Variants in RSPRY1 observed in about 807,000 individuals in gnomAD.
RSPRY1 encodes the protein RING finger and SPRY domain-containing protein 1.
Under a neutral mutation model 73.1 loss-of-function variants are expected in RSPRY1, and 23 were observed. The ratio of observed to expected loss-of-function variants is 0.31; its 90% CI spans 0.23 to 0.45. RSPRY1 has a LOEUF of 0.45. Among genes scored for constraint, RSPRY1 ranks in the 20% least tolerant of loss-of-function variants. The pLI, the probability that RSPRY1 is intolerant of heterozygous loss-of-function variation, is 1.00. For synonymous variants in RSPRY1, 226 were observed against 251.4 expected, an observed-to-expected ratio of 0.90 and a Z score of 0.95; for missense variants, 448 against 698.7, an observed-to-expected ratio of 0.64 and a Z score of 4.05.
intron 1 of RSPRY1, among the ~76,000 whole-genome samples, chr16:57,200,084 G>A (rs1178192865): frequency 6.8e-6 from 1 of 147,292 alleles, no homozygotes; most frequent in Admixed American, 6.8e-5. Flanking sequence ...CTGGGTACTT[G>A]AGATTAGGGA....
At chr16:57,201,133 C>T (rs1401516040) in intron 1 of RSPRY1, among the ~76,000 whole-genome samples, 38 of 151,422 alleles carry the variant, frequency 2.5e-4, no homozygotes, top group Non-Finnish European at 3.5e-4. Context: ...GAGTGGCTGC[C>T]GGGCGGAGGG....
At chr16:57,203,010 A>G (rs530281824) in intron 1 of RSPRY1, among the ~76,000 whole-genome samples, 1 of 141,530 alleles carries the variant, frequency 7.1e-6, no homozygotes, top group African/African-American at 2.5e-5. Flanking sequence ...AATCTGTCTA[A>G]AATAATGGAA....
At chr16:57,229,389 AG>A (rs1295130108) in intron 11 of RSPRY1, among the ~76,000 whole-genome samples, 1 of 152,072 alleles carries the variant, frequency 6.6e-6, no homozygotes, top group Non-Finnish European at 1.5e-5. Context: ...ATCCTTTGAG[AG>A]GATCACTTGG....
chr16:57,221,253 C>A lies in RSPRY1; in HGVS notation c.1018-19C>A. The A allele has an allele frequency of 6.2e-7, 1 of 1,612,654 alleles. No individual in the cohort carries two copies. Among genetic ancestry groups the A allele is most frequent in the East Asian group, 2.2e-5 (1 of 44,862 alleles). ...TTCAGGCCCTCATAGTTGATTGACA[C>A]ATTTTTTGGTTTTGCCAGGCTCGCT... On this transcript the variant is annotated intron_variant, in intron 9 of 14. Coordinates refer to ENST00000394420, the MANE Select transcript of RSPRY1 (RefSeq NM_133368.3).
chr16:57,220,787 G>A lies in RSPRY1; in HGVS notation c.957G>A (p.Arg319=). The A allele has an allele frequency of 6.2e-7, 1 of 1,614,008 alleles. No individual in the cohort carries two copies. The highest frequency in any genetic ancestry group is 8.5e-7 in the Non-Finnish European group (1 of 1,179,916). ...AGAAAGTGAACTTGAGTAGCATTAG[G>A]GCCATGCTGAATAGCAATGATGTCA... is the stretch of plus-strand genomic sequence containing the variant. The part of the protein sequence containing the change: ...TYEKVNLSSI[R]AMLNSNDVSE... The change falls in exon 9 of 15, where the codon AGG becomes AGA. Residue 319 remains arginine, a synonymous_variant. Coordinates refer to ENST00000394420, the MANE Select transcript of RSPRY1 (RefSeq NM_133368.3).
Position 57,239,788 on chromosome 16 carries a change from C to G in RSPRY1, c.*813C>G, listed in dbSNP as rs2075352508. The G allele has an allele frequency of 6.6e-6, 1 of 151,790 alleles. No individual in the cohort carries two copies. The highest frequency in any genetic ancestry group is 2.4e-5 in the African/African-American group (1 of 41,328). 9.4% of individuals were successfully genotyped at this position (151,790 alleles called of 1,614,324 possible). Reference sequence around the variant, plus strand: ...TGGTATTTAGGGTATTTTCAAGGTACCATCAAATCAGATTTCTGTTTTTTT... The same window carrying G: ...TGGTATTTAGGGTATTTTCAAGGTAGCATCAAATCAGATTTCTGTTTTTTT... On this transcript the variant is annotated 3_prime_UTR_variant, in exon 15 of 15. Transcript: ENST00000394420.
chr16:57,199,329 C>T (rs2074514416), intron 1 of RSPRY1, among the ~76,000 whole-genome samples: 1 of 152,078 alleles, frequency 6.6e-6, no homozygotes, highest in Non-Finnish European at 1.5e-5. Flanking sequence ...TCTGTCTCTA[C>T]TAAAAATACA....
chr16:57,213,737 A>G, intron 5 of RSPRY1, 151 bp from the exon 6 acceptor site: 1 of 649,488 alleles, frequency 1.5e-6, no homozygotes, highest in Non-Finnish European at 2.7e-6. Context: ...TTAACTGTGA[A>G]ATGGAGCTAG....
At chr16:57,229,204 G>A (rs1236473978) in intron 11 of RSPRY1, among the ~76,000 whole-genome samples, 2 of 152,178 alleles carry the variant, frequency 1.3e-5, no homozygotes, top group Non-Finnish European at 2.9e-5. Context: ...GCTGTATATT[G>A]CCAGATTTTC....
intron 5 of RSPRY1, among the ~76,000 whole-genome samples, chr16:57,213,566 A>C (rs2074885334): frequency 6.6e-6 from 1 of 152,246 alleles, no homozygotes; most frequent in African/African-American, 2.4e-5. Context: ...ATTTTAAGAA[A>C]GTTAACAGCA....
At position 57,213,032 on chromosome 16, in the gene RSPRY1, T is replaced by C. The variant is rs1201526028; in HGVS notation, c.577T>C (p.Ser193Pro). The change falls in exon 5 of 15, where the codon TCA becomes CCA. Residue 193 changes from serine (S) to proline (P), a missense_variant. Physicochemically the swap from Ser to Pro is moderately conservative, Grantham distance 74. Coordinates refer to ENST00000394420, the MANE Select transcript of RSPRY1 (RefSeq NM_133368.3). ...NLNGEVACQD[S>P]SHPAKHRNTS... ...AAATGGAGAAGTAGCTTGCCAGGAC[T>C]CAAGCCATCCTGCCAAACACAGGAA... 10 of 1,614,048 alleles carry C rather than the reference T, an allele frequency of 6.2e-6. No homozygotes were observed. Among genetic ancestry groups the C allele is most frequent in the Non-Finnish European group, 8.5e-6 (10 of 1,179,918 alleles).
At chr16:57,201,979 G>A (rs926926332) in intron 1 of RSPRY1, among the ~76,000 whole-genome samples, 2 of 151,910 alleles carry the variant, frequency 1.3e-5, no homozygotes, top group Non-Finnish European at 2.9e-5. Flanking sequence ...GGGAGAGGAG[G>A]GAGAGGGAGA....
chr16:57,216,069 AT>A (rs11391063), intron 6 of RSPRY1, 37 bp from the exon 7 acceptor site: 65,231 of 1,170,980 alleles, frequency 0.056, 4 homozygotes, highest in Middle Eastern at 0.065. Context: ...CAGGGGAATG[AT>A]TTTTTTTTTT....
At chr16:57,238,826 A>G (rs2075338822) in intron 14 of RSPRY1, 53 bp from the exon 15 acceptor site, 1 of 991,374 alleles carries the variant, frequency 1.0e-6, no homozygotes, top group Non-Finnish European at 1.5e-6. Context: ...AGGCAGTTGG[A>G]GTTTGACCTT....
chr16:57,223,440 A>T (rs1489299723), intron 10 of RSPRY1, among the ~76,000 whole-genome samples: 1 of 152,208 alleles, frequency 6.6e-6, no homozygotes, highest in Non-Finnish European at 1.5e-5. Flanking sequence ...ATGGAGGCTT[A>T]GGAGGAGCAA....
At chr16:57,229,114 A>G (rs1309919862) in intron 11 of RSPRY1, among the ~76,000 whole-genome samples, 1 of 152,184 alleles carries the variant, frequency 6.6e-6, no homozygotes, top group Non-Finnish European at 1.5e-5. Flanking sequence ...ATCATTATAG[A>G]CCATTCTGGA....
At chr16:57,199,750 T>C (rs1309924090) in intron 1 of RSPRY1, among the ~76,000 whole-genome samples, 2 of 151,986 alleles carry the variant, frequency 1.3e-5, no homozygotes, top group East Asian at 3.9e-4. Context: ...TCTGACCTAC[T>C]GGCCCAGAGC....
chr16:57,186,949 G>C (rs1300172546), intron 1 of RSPRY1: 1 of 152,246 alleles, frequency 6.6e-6, no homozygotes, highest in Non-Finnish European at 1.5e-5. Flanking sequence ...TACCTCCCCG[G>C]GGAGATTTAG....
chr16:57,186,860 G>C (rs530222869), intron 1 of RSPRY1: 1 of 152,250 alleles, frequency 6.6e-6, no homozygotes, highest in Non-Finnish European at 1.5e-5. Flanking sequence ...GGGTGCCCGG[G>C]ATAGAAAGGG....
Sources: gnomAD v4.1 joint callset for allele counts (sites outside exome capture counted in the v4.1 genomes callset) on GRCh38, gnomAD v4.1.1 for gene constraint, MANE v1.5 for transcripts, NCBI Gene and HGNC (gene_info 2026-07-23, HGNC 2026-07-21) for gene names.